Variants in PHF24 observed in about 807,000 individuals in gnomAD.
PHF24 encodes the protein PHD finger protein 24.
A neutral mutation model predicts 42.6 loss-of-function variants in PHF24; 25 were observed. That is an observed-to-expected ratio of 0.59 (90% CI 0.43 to 0.82). The LOEUF is 0.82. PHF24 is among the 40% of genes least tolerant of loss of function. The pLI is 0.00. For missense variants in PHF24, 470 were observed against 538.1 expected (o/e 0.87, Z 1.25); for synonymous variants, 185 against 204.8 (o/e 0.90, Z 0.83).
chr9:34,677,951 A>C, the PHF24 span: 1 of 152,046 alleles, frequency 6.6e-6, no homozygotes, highest in African/African-American at 2.4e-5. Context: ...ATTTGATTGG[A>C]TTGAAGGATT....
the PHF24 span, among the ~76,000 whole-genome samples, chr9:34,744,975 G>A: frequency 2.0e-5 from 3 of 152,182 alleles, no homozygotes; most frequent in African/African-American, 7.2e-5. Flanking sequence ...AGCTTGACAG[G>A]AATATTTTAG....
the PHF24 span, among the ~76,000 whole-genome samples, chr9:34,839,563 GA>G: frequency 1.3e-5 from 2 of 152,284 alleles, no homozygotes; most frequent in Admixed American, 1.3e-4. Flanking sequence ...TTGCCCTGGT[GA>G]GAATGGTTAT....
chr9:34,688,556 C>T, the PHF24 span, among the ~76,000 whole-genome samples: 1 of 152,156 alleles, frequency 6.6e-6, no homozygotes, highest in Non-Finnish European at 1.5e-5. Context: ...GTGGAATCTC[C>T]TGTGCTTCCC....
chr9:34,804,741 C>A, the PHF24 span, among the ~76,000 whole-genome samples: 1 of 152,124 alleles, frequency 6.6e-6, no homozygotes, highest in Non-Finnish European at 1.5e-5. Context: ...AGCATGCATA[C>A]CAAATCCACC....
At chr9:34,704,319 C>A in the PHF24 span, among the ~76,000 whole-genome samples, 2 of 152,132 alleles carry the variant, frequency 1.3e-5, no homozygotes, top group Non-Finnish European at 2.9e-5. Context: ...GCGTGAGCTG[C>A]CATGCCCAGC....
At chr9:34,728,708 T>TTTTG in the PHF24 span, 2 of 1,499,290 alleles carry the variant, frequency 1.3e-6, no homozygotes, top group Non-Finnish European at 1.8e-6. Flanking sequence ...TTCTTTCTCA[T>TTTTG]GTCCAAAATG....
chr9:34,866,769 G>T, the PHF24 span, among the ~76,000 whole-genome samples: 2 of 152,166 alleles, frequency 1.3e-5, no homozygotes, highest in Non-Finnish European at 2.9e-5. Context: ...AGGGCTCTTG[G>T]AGCCTGTTGA....
At chr9:34,709,749 C>A in the PHF24 span, 1 of 1,614,032 alleles carries the variant, frequency 6.2e-7, no homozygotes, top group African/African-American at 1.3e-5. Flanking sequence ...CGTCACCAGC[C>A]AGTACCCACC....
the PHF24 span, among the ~76,000 whole-genome samples, chr9:34,721,173 C>A: frequency 6.6e-6 from 1 of 152,230 alleles, no homozygotes; most frequent in Non-Finnish European, 1.5e-5. Flanking sequence ...CATTCCTTCA[C>A]TTCTGAACCA....
chr9:34,898,215 G>C, the PHF24 span, among the ~76,000 whole-genome samples: 9 of 152,148 alleles, frequency 5.9e-5, no homozygotes, highest in Non-Finnish European at 1.0e-4. Flanking sequence ...GGATCAAATG[G>C]TAGTTCTACT....
the PHF24 span, among the ~76,000 whole-genome samples, chr9:34,857,496 TTTC>T: frequency 6.6e-6 from 1 of 152,262 alleles, no homozygotes; most frequent in East Asian, 1.9e-4. Context: ...AAAAGCATGG[TTTC>T]CCAGGCAGGG....
the PHF24 span, among the ~76,000 whole-genome samples, chr9:34,951,905 A>G: frequency 3.9e-5 from 6 of 152,224 alleles, no homozygotes; most frequent in African/African-American, 1.4e-4. Flanking sequence ...TTAACCTAAC[A>G]AAGAGCTTCT....
chr9:34,869,716 GTTTGT>G, the PHF24 span, among the ~76,000 whole-genome samples: 2 of 152,018 alleles, frequency 1.3e-5, no homozygotes, highest in South Asian at 2.1e-4. Flanking sequence ...AGGTTTTTTT[GTTTGT>G]TTTGTTTTTG....
chr9:34,944,417 G>A, the PHF24 span, among the ~76,000 whole-genome samples: 2 of 152,226 alleles, frequency 1.3e-5, no homozygotes, highest in Non-Finnish European at 2.9e-5. Flanking sequence ...TGGCCAGGTT[G>A]TGCTGGTATT....
At chr9:34,761,193 C>G in the PHF24 span, among the ~76,000 whole-genome samples, 1 of 151,946 alleles carries the variant, frequency 6.6e-6, no homozygotes, top group African/African-American at 2.4e-5. Context: ...TTGCTTTGGT[C>G]TCTCTCCTCT....
chr9:34,971,590 C>G, exon 2 of PHF24: 2 of 1,614,026 alleles, frequency 1.2e-6, no homozygotes, highest in Non-Finnish European at 1.7e-6. Context: ...CAGGACAAGT[C>G]GATTCACACC....
chr9:34,773,488 A>G, the PHF24 span, among the ~76,000 whole-genome samples: 5 of 152,374 alleles, frequency 3.3e-5, no homozygotes, highest in African/African-American at 4.8e-5. Context: ...AGAGTTCCCA[A>G]TGACTAAGCC....
chr9:34,773,810 C>T, the PHF24 span, among the ~76,000 whole-genome samples: 2 of 151,982 alleles, frequency 1.3e-5, no homozygotes, highest in African/African-American at 4.8e-5. Flanking sequence ...CTGTCAAGGT[C>T]GTAAAAAACA....
At chr9:34,909,123 C>T in the PHF24 span, among the ~76,000 whole-genome samples, 1 of 151,928 alleles carries the variant, frequency 6.6e-6, no homozygotes, top group African/African-American at 2.4e-5. Flanking sequence ...GCTGGGATTA[C>T]AGGTGAGCCA....
Sources: allele counts gnomAD v4.1 joint callset (sites outside exome capture counted in the v4.1 genomes callset), GRCh38; gene constraint gnomAD v4.1.1; transcripts MANE v1.5; gene names NCBI Gene and HGNC (gene_info 2026-07-23, HGNC 2026-07-21).